Variants in DLG2 observed in about 807,000 individuals in gnomAD.
DLG2 encodes disks large homolog 2.
DLG2 carries 45 observed loss-of-function variants against 132.5 expected under a neutral mutation model. That is an observed-to-expected ratio of 0.34 (90% CI 0.27 to 0.44). DLG2 has a LOEUF of 0.44. DLG2 is among the 20% of genes least tolerant of loss of function. The pLI, the probability that DLG2 is intolerant of heterozygous loss-of-function variation, is 1.00. For missense variants in DLG2, 1,045 were observed against 1,196.9 expected, an observed-to-expected ratio of 0.87 and a Z score of 1.87; for synonymous variants, 424 against 419.6, an observed-to-expected ratio of 1.01 and a Z score of -0.13.
chr11:85,606,803 G>A (rs970189927), intron 2 of DLG2, among the ~76,000 whole-genome samples: 6 of 151,934 alleles, frequency 3.9e-5, no homozygotes, highest in African/African-American at 1.2e-4. Flanking sequence ...AACTCCAGAC[G>A]CGCCACCTTT....
intron 6 of DLG2, among the ~76,000 whole-genome samples, chr11:84,984,887 T>C (rs1418780293): frequency 6.6e-6 from 1 of 151,946 alleles, no homozygotes; most frequent in African/African-American, 2.4e-5. Flanking sequence ...AAAAAAGACA[T>C]AGAGGGACAT....
chr11:85,206,050 G>A (rs2152561413), intron 4 of DLG2, among the ~76,000 whole-genome samples: 1 of 152,156 alleles, frequency 6.6e-6, no homozygotes, highest in African/African-American at 2.4e-5. Context: ...GATCATGGGG[G>A]GCAGATTTCC....
intron 11 of DLG2, among the ~76,000 whole-genome samples, chr11:84,003,921 T>C (rs2094464790): frequency 6.6e-6 from 1 of 152,068 alleles, no homozygotes; most frequent in African/African-American, 2.4e-5. Flanking sequence ...AACAGACCAA[T>C]ATTAAGTAGG....
In DLG2 at chr11:84,862,456, A is replaced by T. The variant is rs565420818; in HGVS notation, c.357+249205T>A. Among the ~76,000 whole-genome samples the T allele has an allele frequency of 6.6e-5, 10 of 152,232 alleles. No individual in the cohort carries two copies. In the South Asian group the frequency reaches 2.1e-3, roughly 32 times the overall value. ...AACCAGAAATACCATTTGACCCAGC[A>T]ATCCCATTACTGGGTATATACCCAA... On this transcript the variant is annotated intron_variant, in intron 6 of 27. Transcript: ENST00000376104.
At chr11:83,683,945 T>A (rs2079261067) in intron 18 of DLG2, among the ~76,000 whole-genome samples, 1 of 152,120 alleles carries the variant, frequency 6.6e-6, no homozygotes, top group Non-Finnish European at 1.5e-5. Context: ...CTCTCTGCTT[T>A]ACTTCCACCA....
chr11:83,516,295 G>C lies in DLG2; in HGVS notation c.2193+16413C>G, dbSNP rs184135867. ...CATTATGTAATGGCCTTCTTTGTCTGTTTTGATCTTTGTTGGTTTAATGTC... is the reference window on the plus strand; with the variant it reads ...CATTATGTAATGGCCTTCTTTGTCTCTTTTGATCTTTGTTGGTTTAATGTC... On this transcript the variant is annotated intron_variant, in intron 21 of 27. Coordinates refer to ENST00000376104, the MANE Select transcript of DLG2 (RefSeq NM_001142699.3). 1.2e-3 allele frequency among the ~76,000 whole-genome samples: 175 copies of C among 152,126 alleles called. 1 individual carries two copies. The highest frequency in any genetic ancestry group is 0.01 in the Middle Eastern group (3 of 294).
chr11:84,161,469 C>A (rs998720203), intron 9 of DLG2, among the ~76,000 whole-genome samples: 2 of 152,074 alleles, frequency 1.3e-5, no homozygotes, highest in East Asian at 1.9e-4. Context: ...ATGGCAGTAA[C>A]AAAGTTCAGA....
At chr11:83,667,653 T>C (rs960518758) in intron 18 of DLG2, among the ~76,000 whole-genome samples, 1 of 152,108 alleles carries the variant, frequency 6.6e-6, no homozygotes, top group African/African-American at 2.4e-5. Flanking sequence ...TCCTTCTAGT[T>C]GGTCTAGGTC....
chr11:84,856,948 A>G (rs999799464), intron 6 of DLG2, among the ~76,000 whole-genome samples: 8 of 152,144 alleles, frequency 5.3e-5, no homozygotes, highest in Middle Eastern at 3.4e-3. Context: ...AACCAAAAGT[A>G]TGTTTTGTCA....
chr11:85,577,204 G>C (rs1352214191), intron 3 of DLG2, among the ~76,000 whole-genome samples: 1 of 152,130 alleles, frequency 6.6e-6, no homozygotes, highest in Non-Finnish European at 1.5e-5. Flanking sequence ...ATGCTATGCA[G>C]AGAACAGATT....
chr11:84,570,927 G>A (rs558461612), intron 6 of DLG2, among the ~76,000 whole-genome samples: 7 of 152,264 alleles, frequency 4.6e-5, no homozygotes, highest in African/African-American at 2.4e-5. Flanking sequence ...AAAGCTTGAG[G>A]CCTAGGAAAG....
At chr11:84,638,777 T>G (rs2099645117) in intron 6 of DLG2, among the ~76,000 whole-genome samples, 2 of 152,162 alleles carry the variant, frequency 1.3e-5, no homozygotes, top group African/African-American at 4.8e-5. Context: ...ATTAGTTTGA[T>G]TTCATATTTG....
At chr11:84,141,991 T>C (rs2094869657) in intron 9 of DLG2, among the ~76,000 whole-genome samples, 1 of 152,096 alleles carries the variant, frequency 6.6e-6, no homozygotes, top group African/African-American at 2.4e-5. Context: ...ACTTTCCATC[T>C]TTCTAGCTCC....
intron 17 of DLG2, among the ~76,000 whole-genome samples, chr11:83,813,216 A>G (rs1430097523): frequency 1.3e-5 from 2 of 152,196 alleles, no homozygotes; most frequent in African/African-American, 4.8e-5. Context: ...AAATAAAGGA[A>G]TCCAGTTACC....
rs1384632855 is a variant in DLG2, at chr11:83,486,097, A to G, written c.2194-1869T>C. On this transcript the variant is annotated intron_variant, in intron 21 of 27. Transcript: ENST00000376104. ...TATGTTCAATATAGTTTTATCATCA[A>G]TTGTAATTTAGGGTTGGTGTCCAAA... 3 of 563,580 alleles carry G rather than the reference A, an allele frequency of 5.3e-6. No individual in the cohort carries two copies. The African/African-American group carries it at 5.8e-5, about 11-fold the overall frequency. 34.9% of individuals were successfully genotyped at this position (563,580 alleles called of 1,614,324 possible).
At chr11:84,052,830 A>T (rs1247347482) in intron 11 of DLG2, among the ~76,000 whole-genome samples, 1 of 152,052 alleles carries the variant, frequency 6.6e-6, no homozygotes, top group East Asian at 1.9e-4. Context: ...TGGTAGGAAC[A>T]TAAATTAGTT....
At chr11:83,693,212 A>G (rs2081290319) in intron 18 of DLG2, 1 of 152,224 alleles carries the variant, frequency 6.6e-6, no homozygotes, top group East Asian at 1.9e-4. Flanking sequence ...CATGCCTGAA[A>G]TAAATTCACT....
At chr11:83,780,810 T>A (rs947796495) in intron 18 of DLG2, among the ~76,000 whole-genome samples, 1 of 152,182 alleles carries the variant, frequency 6.6e-6, no homozygotes, top group African/African-American at 2.4e-5. Context: ...TGACCAATCA[T>A]TGGGTGACAC....
intron 9 of DLG2, among the ~76,000 whole-genome samples, chr11:84,131,112 A>G (rs548852543): frequency 6.6e-6 from 1 of 152,126 alleles, no homozygotes; most frequent in African/African-American, 2.4e-5. Flanking sequence ...GAAAGGGATT[A>G]GAGAAAACAT....
Sources: allele counts gnomAD v4.1 joint callset (sites outside exome capture counted in the v4.1 genomes callset), GRCh38; gene constraint gnomAD v4.1.1; transcripts MANE v1.5; gene names NCBI Gene and HGNC (gene_info 2026-07-23, HGNC 2026-07-21).